Variants in RTN4 observed in about 807,000 individuals in gnomAD.
RTN4 encodes reticulon-4.
In RTN4, 32 loss-of-function variants were observed where a neutral mutation model predicts 90.4. The observed-to-expected ratio is 0.35, with a 90% CI of 0.27 to 0.48. The LOEUF is 0.48. Ranked by LOEUF, RTN4 falls within the 20% of genes least tolerant of loss-of-function variation. The pLI, the probability that RTN4 is intolerant of heterozygous loss-of-function variation, is 0.99. For synonymous variants in RTN4, 629 were observed against 552.5 expected, an observed-to-expected ratio of 1.14 and a Z score of -1.94; for missense variants, 1,706 against 1,430.2, an observed-to-expected ratio of 1.19 and a Z score of -3.11.
At chr2:55,121,536 A>G in the RTN4 span, among the ~76,000 whole-genome samples, 1 of 152,244 alleles carries the variant, frequency 6.6e-6, no homozygotes. Context: ...GTTGAACAGA[A>G]GGCTCTGGGA....
At chr2:55,016,653 CATTG>C (rs1681066402) in intron 3 of RTN4, among the ~76,000 whole-genome samples, 1 of 152,116 alleles carries the variant, frequency 6.6e-6, no homozygotes, top group Admixed American at 6.6e-5. Context: ...AAATATTAAA[CATTG>C]ATTATGTCTG....
intron 6 of RTN4, among the ~76,000 whole-genome samples, 194 bp downstream of exon 6, chr2:54,974,501 G>A (rs1455622283): frequency 6.6e-6 from 1 of 152,114 alleles, no homozygotes; most frequent in African/African-American, 2.4e-5. Context: ...GGCTGGTCTC[G>A]AACTCCTGGC....
At chr2:55,098,463 C>T (rs1667790461) in intron 1 of RTN4, among the ~76,000 whole-genome samples, 1 of 152,034 alleles carries the variant, frequency 6.6e-6, no homozygotes, top group Non-Finnish European at 1.5e-5. Context: ...ATTATCAACG[C>T]AGGGTCAATT....
Position 55,049,787 on chromosome 2 carries a change from T to C in RTN4, c.514A>G (p.Thr172Ala). ...PAPAPAAPPS[T>A]PAAPKRRGSS... ...CCCCTGCGCTTGGGCGCGGCCGGGG[T>C]GGAGGGGGGCGCGGCGGGAGCCGGG... Residue 172 changes from threonine to alanine, a missense_variant, in exon 1 of 9, where the codon ACC becomes GCC. By Grantham distance (58) the Thr-to-Ala change is moderately conservative (BLOSUM62 0). Transcript: ENST00000337526. 1.6e-6 allele frequency: 2 copies of C among 1,236,904 alleles called. No homozygotes were observed. The allele number at this position is 1,236,904 out of a possible 1,614,324, so 76.6% of individuals were successfully genotyped here. A position where few individuals can be genotyped will look rare whatever the true frequency, so the allele number is the denominator to read the frequency against.
At chr2:55,070,839 C>G (rs561306352) in intron 2 of RTN4, among the ~76,000 whole-genome samples, 2 of 151,604 alleles carry the variant, frequency 1.3e-5, no homozygotes, top group Admixed American at 1.3e-4. Context: ...TACAGTGGTG[C>G]GATCTCGGCT....
At chr2:54,977,679 G>A (rs1442975382) in intron 5 of RTN4, among the ~76,000 whole-genome samples, 1 of 152,072 alleles carries the variant, frequency 6.6e-6, no homozygotes, top group Non-Finnish European at 1.5e-5. Context: ...GGGAAGCGAG[G>A]GGAGGGAGGA....
At chr2:55,083,686 A>G (rs1668777778) in intron 1 of RTN4, among the ~76,000 whole-genome samples, 1 of 152,220 alleles carries the variant, frequency 6.6e-6, no homozygotes, top group Non-Finnish European at 1.5e-5. Flanking sequence ...TTCACATACA[A>G]TTCAGACAAA....
At chr2:55,107,693 C>T (rs2105063729) in intron 1 of RTN4, among the ~76,000 whole-genome samples, 1 of 152,168 alleles carries the variant, frequency 6.6e-6, no homozygotes, top group African/African-American at 2.4e-5. Flanking sequence ...ATAAAGGGTG[C>T]CCTGGGCATC....
intron 2 of RTN4, among the ~76,000 whole-genome samples, chr2:55,070,485 G>A (rs1023106987): frequency 7.1e-6 from 1 of 141,740 alleles, no homozygotes; most frequent in Non-Finnish European, 1.5e-5. Flanking sequence ...AATCAAGGCT[G>A]TAGTGAGCTA....
At chr2:55,071,189 AC>A (rs1225601498) in intron 2 of RTN4, among the ~76,000 whole-genome samples, 1 of 136,886 alleles carries the variant, frequency 7.3e-6, no homozygotes, top group Non-Finnish European at 1.7e-5. Flanking sequence ...TTTACTGGCC[AC>A]CAGGGGGTCT....
intron 3 of RTN4, chr2:55,010,007 C>A: frequency 6.6e-7 from 1 of 1,505,818 alleles, no homozygotes; most frequent in Non-Finnish European, 9.1e-7. Context: ...TCCAAAATAT[C>A]TAAATTCCAA....
chr2:55,082,280 G>A (rs1018849144), intron 1 of RTN4, among the ~76,000 whole-genome samples: 3 of 152,110 alleles, frequency 2.0e-5, no homozygotes, highest in Admixed American at 1.3e-4. Flanking sequence ...CCATAGAAAC[G>A]ATCATATATC....
chr2:55,036,599 C>CAAAAAAAAAAAAAAAAAAAAAAATAAA (rs1682702217), intron 1 of RTN4, among the ~76,000 whole-genome samples: 1 of 72,988 alleles, frequency 1.4e-5, no homozygotes. Context: ...AAGACTGTCT[C>CAAAAAAAAAAAAAAAAAAAAAAATAAA]AAAAAAAAAA....
chr2:55,047,980 T>C (rs1667858552), intron 1 of RTN4, among the ~76,000 whole-genome samples: 1 of 152,244 alleles, frequency 6.6e-6, no homozygotes, highest in African/African-American at 2.4e-5. Context: ...AATTCTGTCG[T>C]TGTGCAAACC....
At chr2:55,049,120 G>A in intron 1 of RTN4, 1 of 985,920 alleles carries the variant, frequency 1.0e-6, no homozygotes, top group Non-Finnish European at 1.2e-6. Flanking sequence ...CCACACCACT[G>A]GAGGCGCTCT....
chr2:55,110,215 G>A (rs1273819102), intron 1 of RTN4, among the ~76,000 whole-genome samples: 2 of 151,844 alleles, frequency 1.3e-5, no homozygotes, highest in Non-Finnish European at 2.9e-5. Context: ...TGAGGCTGAG[G>A]TGGGAGGATT....
At chr2:54,999,061 T>C (rs573418230) in intron 3 of RTN4, among the ~76,000 whole-genome samples, 13 of 152,312 alleles carry the variant, frequency 8.5e-5, no homozygotes, top group African/African-American at 2.9e-4. Context: ...GGAATGCTTA[T>C]GAATTGCTAA....
chr2:54,976,623 C>A (rs1056056856), intron 5 of RTN4, among the ~76,000 whole-genome samples: 1 of 152,082 alleles, frequency 6.6e-6, no homozygotes, highest in African/African-American at 2.4e-5. Context: ...TTCGGCGGCC[C>A]AAAACAGAAA....
intron 6 of RTN4, 132 bp from the exon 7 acceptor site, chr2:54,973,999 A>G: frequency 1.4e-6 from 1 of 725,538 alleles, no homozygotes. Context: ...AAACATAAGG[A>G]TCTCTGGATG....
Sources: allele counts gnomAD v4.1 joint callset (sites outside exome capture counted in the v4.1 genomes callset), GRCh38; gene constraint gnomAD v4.1.1; transcripts MANE v1.5; gene names NCBI Gene and HGNC (gene_info 2026-07-23, HGNC 2026-07-21).